The following HAS3 variants were observed in gnomAD, a reference collection of about 807,000 sequenced individuals.
The protein encoded by HAS3 is HA synthase 3.
HAS3 carries 27 observed loss-of-function variants against 50.3 expected under a neutral mutation model. That is an observed-to-expected ratio of 0.54 (90% CI 0.40 to 0.74). The LOEUF is 0.74. Ranked by LOEUF, HAS3 falls within the 30% of genes least tolerant of loss-of-function variation. HAS3 has a pLI of 0.00. For missense variants in HAS3, 517 were observed against 742.8 expected, an observed-to-expected ratio of 0.70 and a Z score of 3.53; for synonymous variants, 339 against 310.9, an observed-to-expected ratio of 1.09 and a Z score of -0.95.
chr16:69,094,594 A>C, the HAS3 span, among the ~76,000 whole-genome samples: 6 of 152,198 alleles, frequency 3.9e-5, no homozygotes, highest in Non-Finnish European at 8.8e-5. Flanking sequence ...TCCATTCCCC[A>C]AAAGAGAGCA....
At position 69,116,935 on chromosome 16, in the gene HAS3, G is replaced by A. The variant is rs1176863068; in HGVS notation, c.*1669G>A. ...TAGTGTACCAAGTGCTTCCTACAAAGACGCAAGGTGTGCTCTGAGCCACAG... is the reference window on the plus strand; with the variant it reads ...TAGTGTACCAAGTGCTTCCTACAAAAACGCAAGGTGTGCTCTGAGCCACAG... On this transcript the variant is annotated 3_prime_UTR_variant, in exon 4 of 4. Coordinates refer to ENST00000569188, the MANE Select transcript of HAS3 (RefSeq NM_001199280.2). The A allele has an allele frequency of 2.1e-5, 21 of 985,338 alleles. No homozygotes were observed. The highest frequency in any genetic ancestry group is 2.5e-5 in the Non-Finnish European group (21 of 829,952). The allele number at this position is 985,338 out of a possible 1,614,324, so 61.0% of individuals were successfully genotyped here.
chr16:69,095,171 G>C, the HAS3 span, among the ~76,000 whole-genome samples: 2 of 151,884 alleles, frequency 1.3e-5, no homozygotes, highest in African/African-American at 4.8e-5. Context: ...TTTTAGTAGA[G>C]AGAGGGTTTC....
the HAS3 span, among the ~76,000 whole-genome samples, chr16:69,091,962 G>A: frequency 6.6e-6 from 1 of 152,196 alleles, no homozygotes; most frequent in Non-Finnish European, 1.5e-5. Context: ...GAAAGCCCAG[G>A]TTGAATGGTT....
downstream of HAS3, chr16:69,118,232 C>T (rs1381714103): frequency 1.2e-5 from 8 of 691,594 alleles, no homozygotes; most frequent in Non-Finnish European, 2.1e-5. Flanking sequence ...GTAGAGGGGC[C>T]TTAAATCTGG....
chr16:69,091,384 C>T, the HAS3 span, among the ~76,000 whole-genome samples: 1 of 152,148 alleles, frequency 6.6e-6, no homozygotes, highest in Non-Finnish European at 1.5e-5. Flanking sequence ...CAATGATTCT[C>T]AGACATAACT....
chr16:69,103,384 C>A (rs1050039277), upstream of HAS3, among the ~76,000 whole-genome samples: 8 of 152,114 alleles, frequency 5.3e-5, no homozygotes, highest in African/African-American at 1.9e-4. Flanking sequence ...GCAAGAGAGA[C>A]AAGACATTTT....
the HAS3 span, among the ~76,000 whole-genome samples, chr16:69,086,883 A>T: frequency 2.0e-5 from 3 of 152,310 alleles, no homozygotes; most frequent in African/African-American, 7.2e-5. Flanking sequence ...CAGCCTGGGC[A>T]ACAAGAGCGA....
At position 69,114,437 on chromosome 16, in the gene HAS3, G is replaced by GA; in HGVS notation, c.833_834insA (p.Cys279LeufsTer6). 1 of 1,613,606 alleles carries GA rather than the reference G, an allele frequency of 6.2e-7. No individual in the cohort carries two copies. The highest frequency in any genetic ancestry group is 8.5e-7 in the Non-Finnish European group (1 of 1,180,014). On this transcript the variant is annotated frameshift_variant, in exon 4 of 4. Transcript: ENST00000569188. LOFTEE classifies it high-confidence loss of function. This position sits in a 1 kb window ranked among gnomAD's most constrained non-coding sequence, Gnocchi z 6.4. ...GAGCGGGCCTGCCAGTCCTACTTTG[G>GA]CTGTGTGCAGTGTATTAGTGGGCCC...
chr16:69,110,226 T>C (rs1165032140), intron 2 of HAS3, among the ~76,000 whole-genome samples, 195 bp downstream of exon 2: 1 of 151,334 alleles, frequency 6.6e-6, no homozygotes, highest in Non-Finnish European at 1.5e-5. Context: ...CCGAGGCGGG[T>C]GGATCACAAG....
At chr16:69,118,091 CG>C (rs1567584638), downstream of HAS3, 1 of 536,702 alleles carries the variant, frequency 1.9e-6, no homozygotes, top group African/African-American at 1.9e-5. Flanking sequence ...CACACCAGGC[CG>C]AACAAAGCAC....
Position 69,115,005 on chromosome 16 carries a change from C to T in HAS3, c.1401C>T (p.Gly467=). 2.5e-6 allele frequency: 4 copies of T among 1,614,144 alleles called. No homozygotes were observed. Among genetic ancestry groups the T allele is most frequent in the South Asian group, 2.2e-5 (2 of 91,076 alleles). Residue 467 remains glycine, a synonymous_variant, in exon 4 of 4, where the codon GGC becomes GGT. Coordinates refer to ENST00000569188, the MANE Select transcript of HAS3 (RefSeq NM_001199280.2). The part of the protein sequence containing the change: ...AIATINKSGW[G]TSGRKTIVVN... ...CTACCATCAACAAATCTGGCTGGGGCACCTCTGGCCGAAAAACCATTGTGG... is the reference window on the plus strand; with the variant it reads ...CTACCATCAACAAATCTGGCTGGGGTACCTCTGGCCGAAAAACCATTGTGG...
At chr16:69,101,325 A>G (rs1960694596), upstream of HAS3, among the ~76,000 whole-genome samples, 1 of 151,992 alleles carries the variant, frequency 6.6e-6, no homozygotes, top group African/African-American at 2.4e-5. Context: ...TTTTGAGGCA[A>G]AGTCTTACTC....
At chr16:69,091,649 C>T in the HAS3 span, among the ~76,000 whole-genome samples, 1 of 152,120 alleles carries the variant, frequency 6.6e-6, no homozygotes, top group African/African-American at 2.4e-5. Flanking sequence ...GTACCAAAAC[C>T]AACAACAGGG....
At chr16:69,097,077 G>A in the HAS3 span, among the ~76,000 whole-genome samples, 5 of 152,012 alleles carry the variant, frequency 3.3e-5, no homozygotes, top group Admixed American at 6.6e-5. Context: ...CCTTGAGCCC[G>A]AGAAGTTGAG....
intron 2 of HAS3, among the ~76,000 whole-genome samples, chr16:69,111,553 A>G (rs1961002191): frequency 6.6e-6 from 1 of 152,074 alleles, no homozygotes; most frequent in Non-Finnish European, 1.5e-5. Flanking sequence ...GTCCCCTAAT[A>G]CGATTTTTCT....
chr16:69,112,551 A>G (rs1375210144), intron 2 of HAS3, among the ~76,000 whole-genome samples: 10 of 152,242 alleles, frequency 6.6e-5, no homozygotes, highest in Non-Finnish European at 1.2e-4. Flanking sequence ...TCTACAGAAC[A>G]GGGTTTTGGT....
chr16:69,098,662 A>ATTTTTTTTTTTT, the HAS3 span, among the ~76,000 whole-genome samples: 3 of 98,172 alleles, frequency 3.1e-5, no homozygotes, highest in African/African-American at 1.2e-4. Context: ...ATCAAACCTG[A>ATTTTTTTTTTTT]TTTTTTTTTT....
At chr16:69,090,110 AAGTG>A in the HAS3 span, among the ~76,000 whole-genome samples, 1 of 152,104 alleles carries the variant, frequency 6.6e-6, no homozygotes, top group Non-Finnish European at 1.5e-5. Context: ...TCTTCCCACA[AAGTG>A]AGTACAGAAG....
At chr16:69,089,781 A>G in the HAS3 span, among the ~76,000 whole-genome samples, 1 of 152,176 alleles carries the variant, frequency 6.6e-6, no homozygotes, top group Admixed American at 6.5e-5. Flanking sequence ...TGTCCTCCCC[A>G]GTTCTTCATA....
Sources: allele counts gnomAD v4.1 joint callset (sites outside exome capture counted in the v4.1 genomes callset), GRCh38; gene constraint gnomAD v4.1.1; non-coding constraint Gnocchi (gnomAD v3.1); transcripts MANE v1.5; gene names NCBI Gene and HGNC (gene_info 2026-07-23, HGNC 2026-07-21).